The following DGKA variants were observed in gnomAD, a reference collection of about 807,000 sequenced individuals.
DGKA encodes diacylglycerol kinase alpha, also known as 80 kDa diacylglycerol kinase.
In DGKA, 35 loss-of-function variants were observed where a neutral mutation model predicts 105.0. The ratio of observed to expected loss-of-function variants is 0.33; its 90% CI spans 0.25 to 0.44. The LOEUF (loss-of-function observed/expected upper bound fraction) is 0.44, where lower values mean the gene tolerates loss of function less well. Among genes scored for constraint, DGKA ranks in the 20% least tolerant of loss-of-function variants. The probability of loss-of-function intolerance (pLI) is 1.00; values close to 1 mark genes in which losing one functional copy is unlikely to be tolerated. For missense variants in DGKA, 665 were observed against 915.0 expected (o/e 0.73, Z 3.53); for synonymous variants, 296 against 332.0 (o/e 0.89, Z 1.18).
chr12:55,939,080 G>T, intron 7 of DGKA, 91 bp downstream of exon 7: 1 of 1,607,600 alleles, frequency 6.2e-7, no homozygotes, highest in African/African-American at 1.3e-5. Context: ...AGGCAACCTG[G>T]TTCCCTTGGC....
intron 23 of DGKA, 50 bp from the exon 24 acceptor site, chr12:55,953,635 A>G (rs748241251): frequency 2.2e-5 from 34 of 1,577,546 alleles, no homozygotes; most frequent in Non-Finnish European, 2.6e-5. Flanking sequence ...CTGAAGCCAC[A>G]GCCCCAAAGT....
At chr12:55,927,525 C>T, upstream of DGKA, 1 of 700,000 alleles carries the variant, frequency 1.4e-6, no homozygotes, top group East Asian at 2.7e-5. Context: ...GATCTCAGAG[C>T]GGCTTGGTGA....
chr12:55,941,260 T>A lies in DGKA; in HGVS notation c.1110T>A (p.Pro370=), dbSNP rs1885922040. Residue 370 remains proline, a synonymous_variant, in exon 14 of 24, where the codon CCT becomes CCA. Coordinates refer to ENST00000331886, the MANE Select transcript of DGKA (RefSeq NM_001345.5). The part of the protein sequence containing the change: ...LSTSEALRID[P]VPNTHPLLVF... ...TTCTTCCCCCAATGCAGATTGACCCTGTTCCTAACACCCACCCACTTCTCG... is the reference window on the plus strand; with the variant it reads ...TTCTTCCCCCAATGCAGATTGACCCAGTTCCTAACACCCACCCACTTCTCG... 1.4e-5 allele frequency: 22 copies of A among 1,613,200 alleles called. No homozygotes were observed. The highest frequency in any genetic ancestry group is 1.9e-5 in the Non-Finnish European group (22 of 1,179,240).
chr12:55,952,535 C>T lies in DGKA; in HGVS notation c.1743+104C>T. Reference sequence around the variant, plus strand: ...AACTTCCCATATTCTTGAACCTATGCTTCTTTAACCTCCCAGCTCTCCTAC... The same window carrying T: ...AACTTCCCATATTCTTGAACCTATGTTTCTTTAACCTCCCAGCTCTCCTAC... On this transcript the variant is annotated intron_variant, in intron 20 of 23. Coordinates refer to ENST00000331886, the MANE Select transcript of DGKA (RefSeq NM_001345.5). This position sits in a 1 kb window ranked among gnomAD's most constrained non-coding sequence, Gnocchi z 5.1. 1 of 1,272,492 alleles carries T rather than the reference C, an allele frequency of 7.9e-7. No homozygotes were observed. Among genetic ancestry groups the T allele is most frequent in the South Asian group, 1.2e-5 (1 of 80,686 alleles). 78.8% of individuals were successfully genotyped at this position (1,272,492 alleles called of 1,614,324 possible).
At chr12:55,930,324 T>C (rs1209716629), upstream of DGKA, 2 of 151,530 alleles carry the variant, frequency 1.3e-5, no homozygotes, top group African/African-American at 4.9e-5. Context: ...AAGAAAATAC[T>C]GTAAAGACAG....
Position 55,937,263 on chromosome 12 carries a change from C to G in DGKA, c.139-145C>G, listed in dbSNP as rs142690731. On this transcript the variant is annotated intron_variant, in intron 3 of 23. Transcript: ENST00000331886. ...AGGATAAAACAAGGGATTCTATTAA[C>G]TCAGGACTTAATCAAAGAAACCATA... 986 of 1,208,292 alleles carry G rather than the reference C, an allele frequency of 8.2e-4. 7 individuals carry two copies. Among genetic ancestry groups the G allele is most frequent in the Non-Finnish European group, 2.7e-4 (226 of 841,114 alleles). 74.8% of individuals were successfully genotyped at this position (1,208,292 alleles called of 1,614,324 possible).
intron 18 of DGKA, 102 bp downstream of exon 18, chr12:55,951,885 A>G (rs528497526): frequency 7.2e-6 from 11 of 1,531,282 alleles, no homozygotes; most frequent in Non-Finnish European, 9.8e-6. Context: ...GACCTGTGAC[A>G]CAGGGAAATT....
At chr12:55,936,326 AAAT>A in intron 1 of DGKA, 94 bp from the exon 2 acceptor site, 1 of 1,356,836 alleles carries the variant, frequency 7.4e-7, no homozygotes, top group African/African-American at 1.5e-5. Flanking sequence ...AAAGAACAAA[AAAT>A]AATAGTGGGA....
Position 55,942,122 on chromosome 12 carries a change from G to A in DGKA, c.1336+39G>A, listed in dbSNP as rs772189620. ...GGGGCGTGGGGAAGGTATTGGGGTC[G>A]TAGTCTTGCAGAGCTAACTCACTCC... On this transcript the variant is annotated intron_variant, in intron 16 of 23. Coordinates refer to ENST00000331886, the MANE Select transcript of DGKA (RefSeq NM_001345.5). 86 of 1,613,616 alleles carry A rather than the reference G, an allele frequency of 5.3e-5. No individual in the cohort carries two copies. The Admixed American group carries it at 9.3e-4, about 18-fold the overall frequency.
In DGKA at chr12:55,952,289, G is replaced by A. The variant is rs1888324676; in HGVS notation, c.1653-52G>A. 6.3e-7 allele frequency: 1 copy of A among 1,577,204 alleles called. No homozygotes were observed. The highest frequency in any genetic ancestry group is 1.3e-5 in the African/African-American group (1 of 74,194). ...TCCCTGTCACGTACCACCCCTGCCA[G>A]CACTGTGTAACCTGTCCCTCCCTAC... On this transcript the variant is annotated intron_variant, in intron 19 of 23. Transcript: ENST00000331886. This position sits in a 1 kb window ranked among gnomAD's most constrained non-coding sequence, Gnocchi z 5.1.
intron 17 of DGKA, among the ~76,000 whole-genome samples, chr12:55,945,680 C>T (rs1230911592): frequency 1.3e-5 from 2 of 152,154 alleles, no homozygotes; most frequent in African/African-American, 4.8e-5. Flanking sequence ...TCCACAGTCA[C>T]ATCTCCTTTT....
chr12:55,934,913 C>T (rs1884344304), intron 1 of DGKA, among the ~76,000 whole-genome samples: 1 of 152,188 alleles, frequency 6.6e-6, no homozygotes. Flanking sequence ...AGACTCATTG[C>T]TTTGAGCAGG....
Position 55,932,512 on chromosome 12 carries a change from G to A in DGKA, c.-82+1168G>A, listed in dbSNP as rs1253335499. The A allele has an allele frequency of 5.7e-6, 4 of 702,024 alleles. No homozygotes were observed. Among genetic ancestry groups the A allele is most frequent in the Non-Finnish European group, 1.0e-5 (4 of 384,732 alleles). The allele number at this position is 702,024 out of a possible 1,614,324, so 43.5% of individuals were successfully genotyped here. On this transcript the variant is annotated intron_variant, in intron 1 of 23. Coordinates refer to ENST00000331886, the MANE Select transcript of DGKA (RefSeq NM_001345.5). This position sits in a 1 kb window ranked among gnomAD's most constrained non-coding sequence, Gnocchi z 4.3. ...CCATCCTCTCCCCACCTGTCACTGG[G>A]AAGTTTCTGAAAATACCTGAGTCTG...
chr12:55,929,014 G>A (rs1211634172), upstream of DGKA, among the ~76,000 whole-genome samples: 4 of 151,970 alleles, frequency 2.6e-5, no homozygotes, highest in African/African-American at 4.8e-5. Context: ...AAAATTAGCC[G>A]GGTGTGGTGG....
At chr12:55,929,287 T>C (rs1038902790), upstream of DGKA, 2 of 152,274 alleles carry the variant, frequency 1.3e-5, no homozygotes, top group African/African-American at 4.8e-5. Flanking sequence ...AACCTTGTTA[T>C]GATTAGACGT....
At chr12:55,943,255 A>G (rs1886373878) in intron 17 of DGKA, 1 of 150,764 alleles carries the variant, frequency 6.6e-6, no homozygotes, top group Non-Finnish European at 1.5e-5. Flanking sequence ...GCTCCCTGCT[A>G]GTCACTTATT....
Position 55,952,720 on chromosome 12 carries a change from C to A in DGKA, c.1744-14C>A, listed in dbSNP as rs775174428. ...TGTACCCTCCCTAACTGGGACTGTG[C>A]CCCCTCCTCTCAGATCTGTGGGAAA... On this transcript the variant is annotated splice_polypyrimidine_tract_variant and intron_variant, in intron 20 of 23. Coordinates refer to ENST00000331886, the MANE Select transcript of DGKA (RefSeq NM_001345.5). The surrounding 1 kb of genome is among the most constrained non-coding windows in gnomAD (Gnocchi z 5.1). The A allele has an allele frequency of 6.2e-7, 1 of 1,613,686 alleles. No individual in the cohort carries two copies. Among genetic ancestry groups the A allele is most frequent in the Non-Finnish European group, 8.5e-7 (1 of 1,179,874 alleles).
rs1227991422 is a variant in DGKA at position 55,932,564 on chromosome 12, A to T, written c.-82+1220A>T. ...ATCTCACTTTTCACCTTGATAGGAG[A>T]AATGAGCCTTCCTGAGGAAGAATGG... On this transcript the variant is annotated intron_variant, in intron 1 of 23. Transcript: ENST00000331886. The surrounding 1 kb of genome is among the most constrained non-coding windows in gnomAD (Gnocchi z 4.3). 1 of 702,098 alleles carries T rather than the reference A, an allele frequency of 1.4e-6. No individual in the cohort carries two copies. The highest frequency in any genetic ancestry group is 2.7e-5 in the East Asian group (1 of 37,284). The allele number at this position is 702,098 out of a possible 1,614,324, so 43.5% of individuals were successfully genotyped here.
chr12:55,942,560 T>C, intron 17 of DGKA: 1 of 379,926 alleles, frequency 2.6e-6, no homozygotes, highest in Non-Finnish European at 5.0e-6. Flanking sequence ...TGGGGAACAA[T>C]GTGTGAATAA....
Sources: gnomAD v4.1 joint callset for allele counts (sites outside exome capture counted in the v4.1 genomes callset) on GRCh38, gnomAD v4.1.1 for gene constraint, Gnocchi (gnomAD v3.1) non-coding constraint, MANE v1.5 for transcripts, NCBI Gene and HGNC (gene_info 2026-07-23, HGNC 2026-07-21) for gene names.